The following L3MBTL3 variants were observed in gnomAD, a reference collection of about 807,000 sequenced individuals.
L3MBTL3 encodes the protein lethal(3)malignant brain tumor-like protein 3.
A neutral mutation model predicts 102.3 loss-of-function variants in L3MBTL3; 27 were observed. That is an observed-to-expected ratio of 0.26 (90% CI 0.19 to 0.36). The LOEUF is 0.36. Ranked by LOEUF, L3MBTL3 falls within the 10% of genes least tolerant of loss-of-function variation. The pLI, the probability that L3MBTL3 is intolerant of heterozygous loss-of-function variation, is 1.00. For missense variants in L3MBTL3, 798 were observed against 955.3 expected (o/e 0.84, Z 2.17); for synonymous variants, 340 against 320.9 (o/e 1.06, Z -0.64).
intron 1 of L3MBTL3, among the ~76,000 whole-genome samples, chr6:130,019,085 C>T (rs1315252403): frequency 6.6e-6 from 1 of 151,872 alleles, no homozygotes; most frequent in East Asian, 1.9e-4. Flanking sequence ...GGAAGGGAGC[C>T]GGGGCGAGGC....
At chr6:130,042,358 A>G (rs912080633) in intron 2 of L3MBTL3, among the ~76,000 whole-genome samples, 23 of 152,214 alleles carry the variant, frequency 1.5e-4, no homozygotes, top group Non-Finnish European at 1.3e-4. Context: ...ACAGGCAAGG[A>G]ATTCTATCCA....
intron 20 of L3MBTL3, among the ~76,000 whole-genome samples, chr6:130,131,507 A>G (rs1787035272): frequency 1.3e-5 from 2 of 152,224 alleles, no homozygotes; most frequent in Non-Finnish European, 2.9e-5. Context: ...ACATACGTAC[A>G]TTCAAGAAAT....
chr6:130,075,148 G>T (rs997966733), intron 13 of L3MBTL3, among the ~76,000 whole-genome samples: 1 of 152,104 alleles, frequency 6.6e-6, no homozygotes, highest in South Asian at 2.1e-4. Context: ...TTCAACTCTG[G>T]GGGGCTCATG....
chr6:130,134,336 T>C (rs1787385248), intron 22 of L3MBTL3, among the ~76,000 whole-genome samples: 4 of 152,204 alleles, frequency 2.6e-5, no homozygotes, highest in Admixed American at 2.6e-4. Context: ...TTATAATAAG[T>C]AATATTAGCA....
At chr6:130,128,890 C>T (rs1786808065) in intron 20 of L3MBTL3, among the ~76,000 whole-genome samples, 1 of 152,132 alleles carries the variant, frequency 6.6e-6, no homozygotes. Flanking sequence ...AAGGTGCCAT[C>T]CATCCGATCT....
chr6:130,087,669 G>T (rs1394048381), intron 16 of L3MBTL3, among the ~76,000 whole-genome samples: 1 of 152,072 alleles, frequency 6.6e-6, no homozygotes, highest in Non-Finnish European at 1.5e-5. Context: ...AAACTCCAAG[G>T]AAAATATATC....
chr6:130,071,204 A>G (rs1584371736), intron 13 of L3MBTL3, 77 bp downstream of exon 13: 1 of 1,248,958 alleles, frequency 8.0e-7, no homozygotes, highest in East Asian at 2.6e-5. Context: ...GTAATAGTGC[A>G]ACGCTTATAA....
chr6:130,081,822 G>A (rs1783376197), intron 14 of L3MBTL3, among the ~76,000 whole-genome samples: 2 of 152,170 alleles, frequency 1.3e-5, no homozygotes, highest in African/African-American at 4.8e-5. Context: ...CTGACTCAGA[G>A]ACCCAGTCAA....
chr6:130,024,097 C>T, intron 2 of L3MBTL3, among the ~76,000 whole-genome samples: 1 of 152,018 alleles, frequency 6.6e-6, no homozygotes, highest in Non-Finnish European at 1.5e-5. Context: ...AATTAATGTA[C>T]TGTAATTAAT....
At chr6:130,039,386 T>A (rs1374150811) in intron 2 of L3MBTL3, among the ~76,000 whole-genome samples, 1 of 152,162 alleles carries the variant, frequency 6.6e-6, no homozygotes, top group Non-Finnish European at 1.5e-5. Flanking sequence ...TCCTTCCTAA[T>A]AATCTTTTGT....
chr6:130,019,625 TCACACGCACG>T (rs1562240312), intron 1 of L3MBTL3, among the ~76,000 whole-genome samples: 2 of 150,170 alleles, frequency 1.3e-5, no homozygotes, highest in East Asian at 2.0e-4. Context: ...ACACGCACAC[TCACACGCACG>T]CACACACACG....
intron 20 of L3MBTL3, among the ~76,000 whole-genome samples, chr6:130,129,415 A>G (rs73602359): frequency 0.084 from 12,747 of 152,228 alleles, 856 homozygotes; most frequent in African/African-American, 0.17. Context: ...CTTAATTCTT[A>G]TCTTTCCACT....
At chr6:130,066,543 A>G (rs1782272764) in intron 11 of L3MBTL3, 55 bp downstream of exon 11, 5 of 1,452,642 alleles carry the variant, frequency 3.4e-6, no homozygotes, top group Admixed American at 1.9e-5. Context: ...ATTTTCTTAC[A>G]TGCTACATTA....
At chr6:130,042,016 C>T (rs1379026782) in intron 2 of L3MBTL3, among the ~76,000 whole-genome samples, 1 of 152,102 alleles carries the variant, frequency 6.6e-6, no homozygotes, top group East Asian at 1.9e-4. Flanking sequence ...ATTTAGGAGC[C>T]ATCAATCTTT....
chr6:130,028,362 T>C (rs147032653), intron 2 of L3MBTL3, among the ~76,000 whole-genome samples: 2 of 152,252 alleles, frequency 1.3e-5, no homozygotes, highest in African/African-American at 2.4e-5. Flanking sequence ...TGAGAAAATA[T>C]CAATAAGATG....
chr6:130,019,561 C>G (rs1350042474), intron 1 of L3MBTL3: 2 of 151,072 alleles, frequency 1.3e-5, no homozygotes, highest in Admixed American at 6.6e-5. Flanking sequence ...CGCGTCTCCC[C>G]GGCGTGTGCT....
intron 19 of L3MBTL3, among the ~76,000 whole-genome samples, chr6:130,113,234 G>A (rs899174980): frequency 6.6e-6 from 1 of 152,170 alleles, no homozygotes; most frequent in African/African-American, 2.4e-5. Context: ...TGGAATTCTT[G>A]TGTTCATAAA....
At chr6:130,065,341 A>C (rs554153849) in intron 10 of L3MBTL3, among the ~76,000 whole-genome samples, 1 of 152,314 alleles carries the variant, frequency 6.6e-6, no homozygotes, top group South Asian at 2.1e-4. Context: ...GCATATACTT[A>C]TGTATATACA....
intron 10 of L3MBTL3, among the ~76,000 whole-genome samples, chr6:130,062,036 C>T (rs772480205): frequency 5.9e-5 from 9 of 151,918 alleles, no homozygotes; most frequent in Admixed American, 6.6e-5. Flanking sequence ...GTGAGGAAGC[C>T]GTAAGTATAG....
Sources: allele counts gnomAD v4.1 joint callset (sites outside exome capture counted in the v4.1 genomes callset), GRCh38; gene constraint gnomAD v4.1.1; transcripts MANE v1.5; gene names NCBI Gene and HGNC (gene_info 2026-07-23, HGNC 2026-07-21).